The following AKAP10 variants were observed in gnomAD, a reference collection of about 807,000 sequenced individuals.
AKAP10 encodes the protein A-kinase anchor protein 10, mitochondrial.
In AKAP10, 24 loss-of-function variants were observed where a neutral mutation model predicts 80.8. The observed-to-expected ratio is 0.30, with a 90% CI of 0.22 to 0.42. The LOEUF (loss-of-function observed/expected upper bound fraction) is 0.42, where lower values mean the gene tolerates loss of function less well. Among genes scored for constraint, AKAP10 ranks in the 10% least tolerant of loss-of-function variants. The pLI, the probability that AKAP10 is intolerant of heterozygous loss-of-function variation, is 1.00. For missense variants in AKAP10, 661 were observed against 794.9 expected, an observed-to-expected ratio of 0.83 and a Z score of 2.03; for synonymous variants, 291 against 277.7, an observed-to-expected ratio of 1.05 and a Z score of -0.48.
chr17:19,933,926 T>C (rs1351834862), intron 9 of AKAP10, among the ~76,000 whole-genome samples: 1 of 152,154 alleles, frequency 6.6e-6, no homozygotes, highest in Non-Finnish European at 1.5e-5. Context: ...TTATTTATTA[T>C]AATTATATTT....
chr17:19,963,211 CTTT>C (rs35363359), intron 2 of AKAP10, among the ~76,000 whole-genome samples, 189 bp from the exon 3 acceptor site: 5 of 119,586 alleles, frequency 4.2e-5, no homozygotes, highest in Admixed American at 1.8e-4. Flanking sequence ...AGAAAACACT[CTTT>C]TTTTTTTTTT....
At chr17:19,975,208 G>T (rs2043549948) in intron 1 of AKAP10, among the ~76,000 whole-genome samples, 1 of 152,036 alleles carries the variant, frequency 6.6e-6, no homozygotes, top group Admixed American at 6.6e-5. Flanking sequence ...TAAATGTTTT[G>T]TACAGGTCTC....
Position 19,946,275 on chromosome 17 carries a change from ATTTTT to A in AKAP10, c.976+1127_976+1131del, listed in dbSNP as rs71157846. Among the ~76,000 whole-genome samples, 78 of 12,892 alleles carry A rather than the reference ATTTTT, an allele frequency of 6.1e-3. 2 individuals are homozygous for A. Among genetic ancestry groups the A allele is most frequent in the Admixed American group, 9.0e-3 (5 of 558 alleles). 8.5% of individuals were successfully genotyped at this position (12,892 alleles called of 152,430 possible). ...TATATATATATATATATATATATAT[ATTTTT>A]TTTTTTTTTTTTTTTTTTTGGCAGG... On this transcript the variant is annotated intron_variant, in intron 5 of 14. Coordinates refer to ENST00000225737, the MANE Select transcript of AKAP10 (RefSeq NM_007202.4).
At chr17:19,958,911 C>T (rs1021058462) in intron 3 of AKAP10, among the ~76,000 whole-genome samples, 2 of 140,832 alleles carry the variant, frequency 1.4e-5, no homozygotes, top group East Asian at 4.3e-4. Flanking sequence ...AGCAATGGCG[C>T]GATCTCGGCT....
intron 10 of AKAP10, among the ~76,000 whole-genome samples, chr17:19,925,968 T>C (rs1320467005): frequency 6.6e-6 from 1 of 152,178 alleles, no homozygotes; most frequent in Non-Finnish European, 1.5e-5. Flanking sequence ...ATCTTTGGAA[T>C]GGAAGAGAAT....
In AKAP10 at chr17:19,974,893, G is replaced by A. The variant is rs560643751; in HGVS notation, c.88+2699C>T. 4.6e-5 allele frequency among the ~76,000 whole-genome samples: 7 copies of A among 151,958 alleles called. No individual in the cohort carries two copies. The South Asian group carries it at 6.2e-4, about 14-fold the overall frequency. ...TCTCTATGCTGTACAGGTTGATCTC[G>A]AACTGGCCTCAGGTGATCCTCCTGT... On this transcript the variant is annotated intron_variant, in intron 1 of 14. Coordinates refer to ENST00000225737, the MANE Select transcript of AKAP10 (RefSeq NM_007202.4).
chr17:19,925,087 C>T (rs887553669), intron 10 of AKAP10, among the ~76,000 whole-genome samples: 10 of 152,092 alleles, frequency 6.6e-5, no homozygotes, highest in African/African-American at 1.7e-4. Flanking sequence ...TCACTTGAGC[C>T]CAGGAGATGG....
intron 9 of AKAP10, 29 bp downstream of exon 9, chr17:19,936,257 A>G (rs1211075142): frequency 6.3e-7 from 1 of 1,593,378 alleles, no homozygotes; most frequent in Non-Finnish European, 8.6e-7. Flanking sequence ...AACTTCTTGT[A>G]GTTTGATACG....
intron 12 of AKAP10, among the ~76,000 whole-genome samples, chr17:19,914,909 T>C (rs2042729189): frequency 6.6e-6 from 1 of 151,998 alleles, no homozygotes. Flanking sequence ...TGGTTCAAAG[T>C]AAGGTGATAG....
intron 2 of AKAP10, 51 bp downstream of exon 2, chr17:19,968,363 T>C: frequency 1.4e-6 from 2 of 1,465,008 alleles, no homozygotes; most frequent in African/African-American, 2.8e-5. Context: ...AACTCACAAA[T>C]GCAAAGCACA....
intron 9 of AKAP10, among the ~76,000 whole-genome samples, chr17:19,932,208 T>C (rs577821176): frequency 6.6e-6 from 1 of 152,146 alleles, no homozygotes; most frequent in African/African-American, 2.4e-5. Flanking sequence ...CTCAGCACTC[T>C]AGGAGGCCGA....
At chr17:19,927,287 T>C (rs2042885012) in intron 10 of AKAP10, among the ~76,000 whole-genome samples, 1 of 152,108 alleles carries the variant, frequency 6.6e-6, no homozygotes, top group African/African-American at 2.4e-5. Flanking sequence ...TGAGCTGTGA[T>C]TGTGCCACTG....
intron 3 of AKAP10, among the ~76,000 whole-genome samples, chr17:19,960,756 C>T (rs536537191): frequency 2.0e-5 from 3 of 152,078 alleles, no homozygotes; most frequent in African/African-American, 4.8e-5. Context: ...CCAGGGATGA[C>T]GGCTCATGCC....
chr17:19,918,947 T>C (rs1176030696), intron 12 of AKAP10, among the ~76,000 whole-genome samples: 1 of 152,216 alleles, frequency 6.6e-6, no homozygotes, highest in African/African-American at 2.4e-5. Context: ...TTTATTATAC[T>C]TTAAGTTCTA....
chr17:19,974,725 A>T (rs2043544369), intron 1 of AKAP10, among the ~76,000 whole-genome samples: 1 of 150,384 alleles, frequency 6.6e-6, no homozygotes, highest in Non-Finnish European at 1.5e-5. Flanking sequence ...TTTTTTTGAG[A>T]CAAGATCTCA....
chr17:19,977,795 C>G lies in AKAP10; in HGVS notation c.-116G>C. ...CTCGGGATGCCCAGGCAGCTCCAGC[C>G]GCCATATTATCAACAAGCCGCCCGC... is the stretch of plus-strand genomic sequence containing the variant. On this transcript the variant is annotated 5_prime_UTR_variant, in exon 1 of 15. Transcript: ENST00000225737. The G allele has an allele frequency of 1.8e-6, 1 of 569,164 alleles. No homozygotes were observed. Among genetic ancestry groups the G allele is most frequent in the East Asian group, 3.5e-5 (1 of 28,790 alleles). 35.3% of individuals were successfully genotyped at this position (569,164 alleles called of 1,614,324 possible). A position where few individuals can be genotyped will look rare whatever the true frequency, so the allele number is the denominator to read the frequency against.
chr17:19,946,257 ATATATATATATATATATAT>A (rs2043121372), intron 5 of AKAP10, among the ~76,000 whole-genome samples: 4 of 22,720 alleles, frequency 1.8e-4, no homozygotes, highest in Admixed American at 1.5e-3. Context: ...ATATATATAT[ATATATATATATATATATAT>A]TTTTTTTTTT....
intron 1 of AKAP10, among the ~76,000 whole-genome samples, chr17:19,969,044 A>G (rs2043460459): frequency 6.6e-6 from 1 of 152,138 alleles, no homozygotes; most frequent in African/African-American, 2.4e-5. Flanking sequence ...TAACACTCAG[A>G]GTATAATAAT....
intron 10 of AKAP10, among the ~76,000 whole-genome samples, chr17:19,929,059 C>A (rs1479180300): frequency 6.6e-6 from 1 of 152,134 alleles, no homozygotes; most frequent in African/African-American, 2.4e-5. Flanking sequence ...TAACATGATG[C>A]TCTTTTGAAC....
Sources: allele counts gnomAD v4.1 joint callset (sites outside exome capture counted in the v4.1 genomes callset), GRCh38; gene constraint gnomAD v4.1.1; transcripts MANE v1.5; gene names NCBI Gene and HGNC (gene_info 2026-07-23, HGNC 2026-07-21).